Variants in RAI14 observed in about 807,000 individuals in gnomAD.
RAI14 encodes ankycorbin.
In RAI14, 45 loss-of-function variants were observed where a neutral mutation model predicts 115.4. That is an observed-to-expected ratio of 0.39 (90% CI 0.31 to 0.50). RAI14 has a LOEUF of 0.50. Among genes scored for constraint, RAI14 ranks in the 20% least tolerant of loss-of-function variants. RAI14 has a pLI of 0.85. For synonymous variants in RAI14, 371 were observed against 415.4 expected (o/e 0.89, Z 1.30); for missense variants, 939 against 1,131.2 (o/e 0.83, Z 2.44).
rs139083566 is a variant in RAI14 at position 34,709,362 on chromosome 5, C to T, written c.36+22407C>T. Among the ~76,000 whole-genome samples, 907 of 152,178 alleles carry T rather than the reference C, an allele frequency of 6.0e-3. 6 individuals are homozygous for T. Among genetic ancestry groups the T allele is most frequent in the African/African-American group, 0.021 (870 of 41,512 alleles). Reference sequence around the variant, plus strand: ...ACTTGGGAGGCTGAGGCAGGAGAATCGCTTGAACCTGGACGACGGAGGTTG... The same window carrying T: ...ACTTGGGAGGCTGAGGCAGGAGAATTGCTTGAACCTGGACGACGGAGGTTG... On this transcript the variant is annotated intron_variant, in intron 2 of 17. Transcript: ENST00000265109.
At chr5:34,714,751 A>G (rs1741798845) in intron 2 of RAI14, among the ~76,000 whole-genome samples, 1 of 152,082 alleles carries the variant, frequency 6.6e-6, no homozygotes. Flanking sequence ...TTTTTTATTT[A>G]CTGTTTCTGT....
intron 1 of RAI14, among the ~76,000 whole-genome samples, chr5:34,671,304 G>C (rs1443261013): frequency 6.6e-6 from 1 of 152,102 alleles, no homozygotes; most frequent in Non-Finnish European, 1.5e-5. Context: ...GCACACACTA[G>C]GAGTCCATCA....
At chr5:34,783,996 CAT>C (rs567658063) in intron 3 of RAI14, among the ~76,000 whole-genome samples, 238 of 152,290 alleles carry the variant, frequency 1.6e-3, no homozygotes, top group African/African-American at 5.5e-3. Flanking sequence ...AATGAGGGAA[CAT>C]GTGTGACATC....
intron 2 of RAI14, among the ~76,000 whole-genome samples, chr5:34,730,169 T>C (rs975366637): frequency 1.3e-5 from 2 of 152,196 alleles, no homozygotes; most frequent in Admixed American, 1.3e-4. Flanking sequence ...ATAATAAAAA[T>C]ACTAGTTTTC....
chr5:34,679,444 TGAG>T (rs1744232287), intron 1 of RAI14, among the ~76,000 whole-genome samples: 1 of 152,050 alleles, frequency 6.6e-6, no homozygotes, highest in African/African-American at 2.4e-5. Flanking sequence ...TTTTCTGTCT[TGAG>T]GAGCTCCCTG....
At chr5:34,770,859 T>A (rs887216563) in intron 3 of RAI14, among the ~76,000 whole-genome samples, 3 of 152,220 alleles carry the variant, frequency 2.0e-5, no homozygotes, top group Admixed American at 1.3e-4. Flanking sequence ...TTTTAAAATA[T>A]TATTTAATAT....
rs77520016 is a variant in RAI14 at position 34,744,319 on chromosome 5, A to C, written c.37-13149A>C. ...AAAGCTTGCTATTCACAGAGGCCTT[A>C]TGAACATGTTTATAAAGCAAATAAT... is the stretch of plus-strand genomic sequence containing the variant. On this transcript the variant is annotated intron_variant, in intron 2 of 17. Coordinates refer to ENST00000265109, the MANE Select transcript of RAI14 (RefSeq NM_015577.3). 8.4e-3 allele frequency among the ~76,000 whole-genome samples: 1,287 copies of C among 152,314 alleles called. 22 individuals are homozygous for C. The highest frequency in any genetic ancestry group is 0.03 in the African/African-American group (1,251 of 41,558).
chr5:34,684,722 A>G (rs944923728), intron 1 of RAI14: 2 of 152,246 alleles, frequency 1.3e-5, no homozygotes, highest in Non-Finnish European at 1.5e-5. Flanking sequence ...GGAGGTAGCA[A>G]CAAGCTCATG....
intron 7 of RAI14, among the ~76,000 whole-genome samples, chr5:34,810,230 T>C (rs1255516118): frequency 6.6e-6 from 1 of 152,222 alleles, no homozygotes; most frequent in Non-Finnish European, 1.5e-5. Context: ...GATGGATTTA[T>C]AGGGTATATT....
chr5:34,665,565 T>G (rs186059160), intron 1 of RAI14, among the ~76,000 whole-genome samples: 117 of 151,474 alleles, frequency 7.7e-4, no homozygotes, highest in Admixed American at 1.6e-3. Context: ...GATTCTTAAA[T>G]ATTCGTGAGG....
chr5:34,751,229 G>T (rs1484731917), intron 2 of RAI14, among the ~76,000 whole-genome samples: 1 of 149,082 alleles, frequency 6.7e-6, no homozygotes, highest in African/African-American at 2.5e-5. Flanking sequence ...TGCAACCTCT[G>T]CCTCCTGGGT....
At chr5:34,787,855 A>G (rs1306023961) in intron 3 of RAI14, among the ~76,000 whole-genome samples, 3 of 124,150 alleles carry the variant, frequency 2.4e-5, no homozygotes, top group African/African-American at 5.9e-5. Context: ...ATTGCCTTTA[A>G]TGGTTTATTA....
At chr5:34,803,511 C>T (rs35082372) in intron 4 of RAI14, among the ~76,000 whole-genome samples, 60,916 of 151,480 alleles carry the variant, frequency 0.4, 12,682 homozygotes, top group Admixed American at 0.53. Flanking sequence ...GAGCCATGAT[C>T]GCGTCACTGC....
In RAI14 at chr5:34,811,933, T is replaced by A. The variant is rs777004271; in HGVS notation, c.724T>A (p.Ser242Thr). 1 of 1,609,430 alleles carries A rather than the reference T, an allele frequency of 6.2e-7. No homozygotes were observed. The highest frequency in any genetic ancestry group is 8.5e-7 in the Non-Finnish European group (1 of 1,178,286). Residue 242 changes from serine to threonine, a missense_variant, in exon 9 of 18, where the codon TCT becomes ACT. Ser to Thr is a moderately conservative substitution (Grantham distance 58). Transcript: ENST00000265109. The part of the protein sequence containing the change: ...GIQSLLLSKI[S>T]QDADLKTPTK... Reference sequence around the variant, plus strand: ...TCAAAGCCTTCTATTATCAAAAATCTCTCAGGATGCTGGTATGTAAAAGAA... The same window carrying A: ...TCAAAGCCTTCTATTATCAAAAATCACTCAGGATGCTGGTATGTAAAAGAA...
chr5:34,736,431 T>C (rs1214538473), intron 2 of RAI14, among the ~76,000 whole-genome samples: 1 of 152,104 alleles, frequency 6.6e-6, no homozygotes, highest in African/African-American at 2.4e-5. Context: ...AAGTGTTTTT[T>C]GTTTTTTTTT....
At chr5:34,754,053 G>C (rs1025840442) in intron 2 of RAI14, among the ~76,000 whole-genome samples, 3 of 151,342 alleles carry the variant, frequency 2.0e-5, no homozygotes, top group Admixed American at 1.3e-4. Flanking sequence ...TGCACTCCAG[G>C]CTGGGCAACA....
rs145798186 is a variant in RAI14, at chr5:34,729,731, A to T, written c.37-27737A>T. On this transcript the variant is annotated intron_variant, in intron 2 of 17. Coordinates refer to ENST00000265109, the MANE Select transcript of RAI14 (RefSeq NM_015577.3). ...ACCTGGCTTCTTCAACAAGTAGATT[A>T]AAAGAAAAGGGGGTTGGGGCAGGAA... Among the ~76,000 whole-genome samples, 494 of 152,326 alleles carry T rather than the reference A, an allele frequency of 3.2e-3. 3 individuals are homozygous for T. The highest frequency in any genetic ancestry group is 0.011 in the African/African-American group (472 of 41,572).
intron 3 of RAI14, among the ~76,000 whole-genome samples, chr5:34,770,601 G>A (rs1205668663): frequency 6.6e-6 from 1 of 152,208 alleles, no homozygotes; most frequent in Non-Finnish European, 1.5e-5. Flanking sequence ...AATGGAGTGA[G>A]GGATTCAGCT....
chr5:34,795,955 G>T lies in RAI14; in HGVS notation c.184G>T (p.Ala62Ser), dbSNP rs767760391. The T allele has an allele frequency of 6.2e-7, 1 of 1,613,070 alleles. No individual in the cohort carries two copies. The highest frequency in any genetic ancestry group is 8.5e-7 in the Non-Finnish European group (1 of 1,179,216). Residue 62 changes from alanine to serine, a missense_variant, in exon 4 of 18, where the codon GCA becomes TCA. Transcript: ENST00000265109. ...TCTTTCCAGTTTCCATCTTGCTGCT[G>T]CAAAAGGACACGTGGAATGCCTCAG... ...EGKTAFHLAAAKGHVECLRVM... is the reference protein window; with the variant it reads ...EGKTAFHLAASKGHVECLRVM...
Sources: allele counts gnomAD v4.1 joint callset (sites outside exome capture counted in the v4.1 genomes callset), GRCh38; gene constraint gnomAD v4.1.1; transcripts MANE v1.5; gene names NCBI Gene and HGNC (gene_info 2026-07-23, HGNC 2026-07-21).